The following MINDY4B variants were observed in gnomAD, a reference collection of about 807,000 sequenced individuals.
MINDY4B encodes MINDY family member 4B.
MINDY4B carries 25 observed loss-of-function variants against 16.7 expected under a neutral mutation model. The observed-to-expected ratio is 1.49, with a 90% CI of 1.09 to 2.09. The LOEUF (loss-of-function observed/expected upper bound fraction) is 2.09, where lower values mean the gene tolerates loss of function less well. MINDY4B is among the 30% of genes most tolerant of loss of function. The pLI is 0.00. For synonymous variants in MINDY4B, 132 were observed against 61.9 expected, an observed-to-expected ratio of 2.13 and a Z score of -5.32; for missense variants, 327 against 168.4, an observed-to-expected ratio of 1.94 and a Z score of -5.21.
intron 9 of MINDY4B, 92 bp downstream of exon 9, chr3:150,883,608 A>G: frequency 1.5e-6 from 1 of 660,094 alleles, no homozygotes; most frequent in South Asian, 1.6e-5. Flanking sequence ...TCCAAAATTC[A>G]GATTGCTTTT....
At chr3:150,881,614 TAA>T (rs34567737) in intron 10 of MINDY4B, among the ~76,000 whole-genome samples, 4 of 121,444 alleles carry the variant, frequency 3.3e-5, no homozygotes, top group Non-Finnish European at 5.0e-5. Context: ...TGTCTCTGTT[TAA>T]AAAAAAAAAA....
rs1051665414 is a variant in MINDY4B at position 150,880,979 on chromosome 3, A to G, written c.1059+1918T>C. Among the ~76,000 whole-genome samples the G allele has an allele frequency of 2.6e-5, 4 of 152,228 alleles. No individual in the cohort carries two copies. The East Asian group carries it at 7.7e-4, about 29-fold the overall frequency. On this transcript the variant is annotated intron_variant, in intron 10 of 11. Coordinates refer to ENST00000465419, the MANE Select transcript of MINDY4B (RefSeq NM_001351281.2). ...AGTCAATTTTAAGATGAATTCCCAA[A>G]TTATCTGGAAAAAGTGATTAGGAGC...
chr3:150,878,209 A>G (rs1180966476), intron 10 of MINDY4B, among the ~76,000 whole-genome samples: 1 of 152,222 alleles, frequency 6.6e-6, no homozygotes, highest in Non-Finnish European at 1.5e-5. Flanking sequence ...ATGAATAAAT[A>G]AATTTCATAT....
At chr3:150,871,801 C>T (rs189525399) in intron 11 of MINDY4B, among the ~76,000 whole-genome samples, 1 of 152,292 alleles carries the variant, frequency 6.6e-6, no homozygotes, top group Non-Finnish European at 1.5e-5. Flanking sequence ...GCCAGGATCA[C>T]GCCACTGCAC....
intron 10 of MINDY4B, among the ~76,000 whole-genome samples, chr3:150,881,614 TAAA>T (rs34567737): frequency 1.6e-5 from 2 of 121,428 alleles, no homozygotes; most frequent in African/African-American, 3.1e-5. Flanking sequence ...TGTCTCTGTT[TAAA>T]AAAAAAAAAA....
intron 3 of MINDY4B, among the ~76,000 whole-genome samples, chr3:150,901,925 G>T (rs1712127080): frequency 6.6e-6 from 1 of 152,052 alleles, no homozygotes; most frequent in Admixed American, 6.6e-5. Context: ...AGCCTGGGAG[G>T]TTTTGTATGA....
intron 3 of MINDY4B, among the ~76,000 whole-genome samples, chr3:150,896,435 G>A (rs989714771): frequency 3.9e-5 from 6 of 152,076 alleles, no homozygotes; most frequent in South Asian, 2.1e-4. Context: ...TTTCTGGTGG[G>A]GGAAGGGGGG....
intron 11 of MINDY4B, among the ~76,000 whole-genome samples, chr3:150,871,843 T>TCCAA (rs142608119): frequency 0.015 from 2,281 of 152,158 alleles, 58 homozygotes; most frequent in African/African-American, 0.05. Flanking sequence ...AGACTCCATC[T>TCCAA]CCAACCAACC....
chr3:150,873,114 G>C (rs1157890371), intron 11 of MINDY4B, 73 bp downstream of exon 11: 7 of 636,692 alleles, frequency 1.1e-5, no homozygotes, highest in African/African-American at 1.8e-5. Context: ...TATCCACACA[G>C]TTGTTAAACA....
At chr3:150,886,424 T>C (rs553754654) in intron 7 of MINDY4B, among the ~76,000 whole-genome samples, 1 of 152,294 alleles carries the variant, frequency 6.6e-6, no homozygotes, top group East Asian at 1.9e-4. Flanking sequence ...AGCCAGATAG[T>C]TACTGAAATG....
chr3:150,904,366 G>C (rs181142633), intron 2 of MINDY4B, among the ~76,000 whole-genome samples: 166 of 152,276 alleles, frequency 1.1e-3, no homozygotes, highest in Non-Finnish European at 5.9e-4. Context: ...GTGGTTAAGA[G>C]AGTTTTAGCA....
intron 10 of MINDY4B, among the ~76,000 whole-genome samples, chr3:150,876,310 C>CT (rs930834110): frequency 8.6e-5 from 13 of 151,498 alleles, no homozygotes; most frequent in South Asian, 2.1e-4. Context: ...CCATGTAATT[C>CT]TTTTTTTTTA....
At chr3:150,888,330 G>A (rs1311224414) in intron 7 of MINDY4B, among the ~76,000 whole-genome samples, 1 of 152,080 alleles carries the variant, frequency 6.6e-6, no homozygotes, top group African/African-American at 2.4e-5. Flanking sequence ...ACTGAGTCTG[G>A]CCTCATCTCA....
intron 10 of MINDY4B, among the ~76,000 whole-genome samples, chr3:150,881,263 AAT>A (rs1451213793): frequency 6.6e-6 from 1 of 152,178 alleles, no homozygotes; most frequent in Non-Finnish European, 1.5e-5. Flanking sequence ...GTACATCTGT[AAT>A]CCCAGCTACT....
At chr3:150,894,641 C>G (rs1231573059) in intron 3 of MINDY4B, among the ~76,000 whole-genome samples, 2 of 152,164 alleles carry the variant, frequency 1.3e-5, no homozygotes, top group Non-Finnish European at 2.9e-5. Flanking sequence ...AAAAAAGGAA[C>G]AGTCAGGATC....
intron 8 of MINDY4B, among the ~76,000 whole-genome samples, chr3:150,884,446 C>T (rs1711575178): frequency 6.6e-6 from 1 of 152,184 alleles, no homozygotes; most frequent in African/African-American, 2.4e-5. Flanking sequence ...TCAGATACAA[C>T]TCAGGATAAT....
intron 5 of MINDY4B, among the ~76,000 whole-genome samples, chr3:150,891,759 CTCAAAA>C (rs1711813896): frequency 1.1e-5 from 1 of 92,224 alleles, no homozygotes. Context: ...GAGACTCCAT[CTCAAAA>C]AAAAAAAAAA....
At chr3:150,895,618 C>T (rs919977843) in intron 3 of MINDY4B, among the ~76,000 whole-genome samples, 3 of 152,180 alleles carry the variant, frequency 2.0e-5, no homozygotes, top group African/African-American at 7.2e-5. Flanking sequence ...GTGTGTGCCA[C>T]AACACCTGGC....
At chr3:150,904,587 C>G (rs1013664570) in intron 2 of MINDY4B, among the ~76,000 whole-genome samples, 3 of 152,166 alleles carry the variant, frequency 2.0e-5, no homozygotes, top group Non-Finnish European at 4.4e-5. Context: ...GTACAAACAT[C>G]TTTCATCTTA....
Sources: allele counts gnomAD v4.1 joint callset (sites outside exome capture counted in the v4.1 genomes callset), GRCh38; gene constraint gnomAD v4.1.1; transcripts MANE v1.5; gene names NCBI Gene and HGNC (gene_info 2026-07-23, HGNC 2026-07-21).